PDGFRL: variants seen among roughly 807,000 people sequenced by gnomAD.
PDGFRL encodes the protein platelet-derived growth factor receptor-like protein.
In PDGFRL, 46 loss-of-function variants were observed where a neutral mutation model predicts 37.2. The observed-to-expected ratio is 1.24, with a 90% CI of 0.98 to 1.58. The LOEUF (loss-of-function observed/expected upper bound fraction) is 1.58. Among genes scored for constraint, PDGFRL ranks in the 40% most tolerant of loss-of-function variants. PDGFRL has a pLI of 0.00. For missense variants in PDGFRL, 692 were observed against 467.6 expected (o/e 1.48, Z -4.43); for synonymous variants, 251 against 184.3 (o/e 1.36, Z -2.93).
chr8:17,606,034 C>T (rs1262654105), intron 2 of PDGFRL, among the ~76,000 whole-genome samples: 1 of 152,154 alleles, frequency 6.6e-6, no homozygotes, highest in African/African-American at 2.4e-5. Flanking sequence ...CATCCAGCAT[C>T]TGGAGGGAGA....
At chr8:17,586,507 C>T (rs1045271057) in intron 1 of PDGFRL, among the ~76,000 whole-genome samples, 8 of 152,210 alleles carry the variant, frequency 5.3e-5, no homozygotes, top group African/African-American at 1.4e-4. Flanking sequence ...AAGCTCTAGA[C>T]TTGGAGTCAG....
intron 2 of PDGFRL, among the ~76,000 whole-genome samples, chr8:17,590,183 A>G (rs1227903405): frequency 2.2e-5 from 3 of 136,436 alleles, no homozygotes; most frequent in African/African-American, 8.1e-5. Flanking sequence ...TTGAGCCGAG[A>G]TAGTGCCAGT....
chr8:17,628,504 G>C lies in PDGFRL; in HGVS notation c.523G>C (p.Val175Leu). The C allele has an allele frequency of 6.2e-7, 1 of 1,613,574 alleles. No individual in the cohort carries two copies. The highest frequency in any genetic ancestry group is 2.2e-5 in the East Asian group (1 of 44,864). The change falls in exon 4 of 6, where the codon GTA becomes CTA. Residue 175 changes from valine (V) to leucine (L), a missense_variant. Transcript: ENST00000251630. ...IFFTEKGELFVPSPSYFDVVY... is the reference protein window; with the variant it reads ...IFFTEKGELFLPSPSYFDVVY... ...CTTTGCAGAGAAAGGAGAACTCTTT[G>C]TACCTTCTCCCAGCTACTTCGATGT...
intron 2 of PDGFRL, among the ~76,000 whole-genome samples, chr8:17,598,678 T>C (rs1266446222): frequency 6.6e-6 from 1 of 152,228 alleles, no homozygotes; most frequent in Non-Finnish European, 1.5e-5. Context: ...TCTCAGAGCC[T>C]GATATGGTTT....
chr8:17,589,416 A>G, intron 1 of PDGFRL, 52 bp from the exon 2 acceptor site: 1 of 1,383,182 alleles, frequency 7.2e-7, no homozygotes, highest in African/African-American at 1.5e-5. Context: ...GGCCTCAAAT[A>G]TTCCAAAAAT....
intron 2 of PDGFRL, among the ~76,000 whole-genome samples, chr8:17,598,341 A>G (rs1220501082): frequency 6.6e-6 from 1 of 152,146 alleles, no homozygotes; most frequent in Non-Finnish European, 1.5e-5. Context: ...CTTCTTTATA[A>G]TCTGGGATCT....
chr8:17,617,664 G>T (rs1179480877), intron 2 of PDGFRL, among the ~76,000 whole-genome samples: 1 of 152,180 alleles, frequency 6.6e-6, no homozygotes, highest in Non-Finnish European at 1.5e-5. Flanking sequence ...GCGTAGAAGA[G>T]GGGGTGGAAA....
At chr8:17,598,025 T>C (rs118103510) in intron 2 of PDGFRL, among the ~76,000 whole-genome samples, 1 of 152,320 alleles carries the variant, frequency 6.6e-6, no homozygotes, top group Non-Finnish European at 1.5e-5. Context: ...TTTACTATCA[T>C]AAATAGTGCA....
Position 17,628,702 on chromosome 8 carries a change from C to G in PDGFRL, c.721C>G (p.Gln241Glu). The change falls in exon 4 of 6, where the codon CAG (glutamine) becomes GAG (glutamate). Residue 241 changes from glutamine (Q) to glutamate (E), a missense_variant. Coordinates refer to ENST00000251630, the MANE Select transcript of PDGFRL (RefSeq NM_001372073.1). ...FVYLQPHSEH[Q>E]GVVYCRAEAG... The stretch of plus-strand genomic sequence containing the variant: ...GTATCTGCAACCTCATTCCGAGCAC[C>G]AGGGTGTGGTTTACTGCAGGGCGGA... 6.2e-7 allele frequency: 1 copy of G among 1,613,966 alleles called. No individual in the cohort carries two copies. The highest frequency in any genetic ancestry group is 8.5e-7 in the Non-Finnish European group (1 of 1,179,836).
chr8:17,627,262 T>G (rs574247519), intron 3 of PDGFRL, among the ~76,000 whole-genome samples: 1 of 152,198 alleles, frequency 6.6e-6, no homozygotes, highest in Non-Finnish European at 1.5e-5. Flanking sequence ...TTCCTAAATA[T>G]TGAGTTTGCT....
intron 2 of PDGFRL, among the ~76,000 whole-genome samples, chr8:17,602,476 A>G (rs3888179): frequency 0.22 from 33,353 of 152,058 alleles, 4,310 homozygotes; most frequent in African/African-American, 0.33. Context: ...AGAGAGAGTA[A>G]TCATCGAATT....
chr8:17,586,305 C>T (rs888658536), intron 1 of PDGFRL, among the ~76,000 whole-genome samples: 2 of 152,138 alleles, frequency 1.3e-5, no homozygotes, highest in Non-Finnish European at 2.9e-5. Flanking sequence ...CAGTGTGTGC[C>T]TTGGAAAAGC....
chr8:17,636,266 G>T (rs914302402), intron 5 of PDGFRL, among the ~76,000 whole-genome samples: 1 of 152,176 alleles, frequency 6.6e-6, no homozygotes, highest in Non-Finnish European at 1.5e-5. Context: ...TTAAGTATTT[G>T]ATCCACCTTG....
intron 3 of PDGFRL, among the ~76,000 whole-genome samples, chr8:17,625,767 C>G (rs886562407): frequency 6.6e-6 from 1 of 152,150 alleles, no homozygotes; most frequent in African/African-American, 2.4e-5. Flanking sequence ...GGCAGGAGGA[C>G]TGCTTGAGTC....
upstream of PDGFRL, chr8:17,576,676 C>A (rs998709672): frequency 1.0e-6 from 1 of 980,844 alleles, no homozygotes; most frequent in Non-Finnish European, 1.2e-6. Flanking sequence ...CTCCCACCCC[C>A]ACCAGCAGTT....
At chr8:17,629,977 CCT>C (rs1461209975) in intron 4 of PDGFRL, among the ~76,000 whole-genome samples, 2 of 152,176 alleles carry the variant, frequency 1.3e-5, no homozygotes, top group South Asian at 2.1e-4. Flanking sequence ...GGCACGCCCT[CCT>C]CTCTGTACTC....
rs1227635062 is a variant in PDGFRL, at chr8:17,621,054, C to T, written c.357C>T (p.Val119=). Reference sequence around the variant, plus strand: ...TTCATGTGTCTTTTATTCCTAGCGTCAAGCAGAATGAGCGCTACGGCCAGT... The same window carrying T: ...TTCATGTGTCTTTTATTCCTAGCGTTAAGCAGAATGAGCGCTACGGCCAGT... ...LDTFKDSRLS[V]KQNERYGQLT... The change falls in exon 3 of 6, where the codon GTC becomes GTT. Residue 119 remains valine, a synonymous_variant. Coordinates refer to ENST00000251630, the MANE Select transcript of PDGFRL (RefSeq NM_001372073.1). The T allele has an allele frequency of 1.9e-6, 3 of 1,597,868 alleles. No individual in the cohort carries two copies. The highest frequency in any genetic ancestry group is 2.3e-5 in the East Asian group (1 of 44,334).
At chr8:17,638,738 C>CATACATAT (rs1805025481) in intron 5 of PDGFRL, among the ~76,000 whole-genome samples, 2 of 47,350 alleles carry the variant, frequency 4.2e-5, no homozygotes, top group Non-Finnish European at 8.7e-5. Flanking sequence ...GCATTAGGTG[C>CATACATAT]ATATATATAT....
intron 2 of PDGFRL, among the ~76,000 whole-genome samples, chr8:17,614,754 A>C (rs904003319): frequency 2.0e-5 from 3 of 152,044 alleles, no homozygotes; most frequent in African/African-American, 7.2e-5. Flanking sequence ...AATTTTTAAC[A>C]TTTTTGTAGA....
Sources: gnomAD v4.1 joint callset for allele counts (sites outside exome capture counted in the v4.1 genomes callset) on GRCh38, gnomAD v4.1.1 for gene constraint, MANE v1.5 for transcripts, NCBI Gene and HGNC (gene_info 2026-07-23, HGNC 2026-07-21) for gene names.